BMAL1: variants seen among roughly 807,000 people sequenced by gnomAD.
BMAL1 encodes the protein basic helix-loop-helix ARNT-like protein 1.
At chr11:13,283,452 G>A in the BMAL1 span, among the ~76,000 whole-genome samples, 2 of 152,176 alleles carry the variant, frequency 1.3e-5, no homozygotes, top group Admixed American at 6.5e-5. Context: ...AACTACATGA[G>A]GCAGGTACTA....
At chr11:13,277,859 T>TCACCGC in the BMAL1 span, 3 of 151,916 alleles carry the variant, frequency 2.0e-5, no homozygotes, top group African/African-American at 7.3e-5. Context: ...CGCGCCGGAC[T>TCACCGC]CACCGCCGCC....
the BMAL1 span, chr11:13,385,896 A>G: frequency 1.2e-6 from 1 of 859,406 alleles, no homozygotes; most frequent in African/African-American, 1.7e-5. Context: ...ATCCTAGATA[A>G]ATTTGATAGG....
chr11:13,346,526 G>T, the BMAL1 span, among the ~76,000 whole-genome samples: 3 of 152,142 alleles, frequency 2.0e-5, no homozygotes, highest in African/African-American at 4.8e-5. Flanking sequence ...CCTTCTAGTG[G>T]TTGATGCCCT....
At chr11:13,284,754 G>A in the BMAL1 span, among the ~76,000 whole-genome samples, 1 of 152,216 alleles carries the variant, frequency 6.6e-6, no homozygotes, top group South Asian at 2.1e-4. Context: ...TTTCTGCTCT[G>A]CTCAACTCCT....
the BMAL1 span, among the ~76,000 whole-genome samples, chr11:13,344,701 G>T: frequency 6.6e-6 from 1 of 152,158 alleles, no homozygotes; most frequent in African/African-American, 2.4e-5. Flanking sequence ...CATGGAGGTC[G>T]GACAGGACTT....
the BMAL1 span, among the ~76,000 whole-genome samples, chr11:13,297,341 A>G: frequency 3.9e-5 from 6 of 152,236 alleles, no homozygotes; most frequent in African/African-American, 1.4e-4. Context: ...GTCCAGCATC[A>G]GTTGAGAGTC....
the BMAL1 span, among the ~76,000 whole-genome samples, chr11:13,294,940 C>T: frequency 6.6e-6 from 1 of 152,180 alleles, no homozygotes; most frequent in Non-Finnish European, 1.5e-5. Context: ...CACATTGCTG[C>T]CCTTGTCCCT....
At chr11:13,373,575 TG>T in the BMAL1 span, among the ~76,000 whole-genome samples, 2 of 152,190 alleles carry the variant, frequency 1.3e-5, no homozygotes, top group African/African-American at 4.8e-5. Context: ...GGCGAGATCT[TG>T]GCTTACTGTA....
chr11:13,332,381 A>G, the BMAL1 span, among the ~76,000 whole-genome samples: 1 of 152,206 alleles, frequency 6.6e-6, no homozygotes, highest in East Asian at 1.9e-4. Context: ...AATCTTTGAT[A>G]CCTACAGCCA....
At chr11:13,278,198 A>AG in the BMAL1 span, among the ~76,000 whole-genome samples, 1 of 152,130 alleles carries the variant, frequency 6.6e-6, no homozygotes, top group Non-Finnish European at 1.5e-5. Flanking sequence ...GGGCAGGCAG[A>AG]GGTGCTGCAG....
the BMAL1 span, among the ~76,000 whole-genome samples, chr11:13,383,715 TGGTGG>T: frequency 6.6e-6 from 1 of 151,936 alleles, no homozygotes; most frequent in Admixed American, 6.6e-5. Context: ...TATCCAGGTG[TGGTGG>T]TGTACCTGTA....
At chr11:13,329,212 C>A in the BMAL1 span, among the ~76,000 whole-genome samples, 1 of 152,170 alleles carries the variant, frequency 6.6e-6, no homozygotes, top group South Asian at 2.1e-4. Flanking sequence ...CCCTTTACGT[C>A]GGATGGCCAG....
At chr11:13,382,787 T>C in the BMAL1 span, among the ~76,000 whole-genome samples, 1 of 152,180 alleles carries the variant, frequency 6.6e-6, no homozygotes, top group Non-Finnish European at 1.5e-5. Context: ...AACATTATAG[T>C]GACAAGATCC....
chr11:13,365,712 ACTT>A, the BMAL1 span: 3 of 681,722 alleles, frequency 4.4e-6, no homozygotes, highest in South Asian at 2.0e-5. Context: ...AAAATTCTTA[ACTT>A]CTTAACAGAT....
chr11:13,296,873 C>T, the BMAL1 span, among the ~76,000 whole-genome samples: 1 of 152,184 alleles, frequency 6.6e-6, no homozygotes, highest in Non-Finnish European at 1.5e-5. Context: ...GTTCCTGTCC[C>T]ATCTTGCGCT....
the BMAL1 span, among the ~76,000 whole-genome samples, chr11:13,362,244 AT>A: frequency 6.6e-6 from 1 of 152,180 alleles, no homozygotes; most frequent in Non-Finnish European, 1.5e-5. Flanking sequence ...AAGCCATCTG[AT>A]TAGTACTGTA....
At chr11:13,326,810 CTGT>C in the BMAL1 span, among the ~76,000 whole-genome samples, 1 of 151,334 alleles carries the variant, frequency 6.6e-6, no homozygotes, top group Non-Finnish European at 1.5e-5. Flanking sequence ...TAGTGGCTCA[CTGT>C]TGTTTTGTTT....
chr11:13,328,126 C>T, the BMAL1 span, among the ~76,000 whole-genome samples: 3 of 152,134 alleles, frequency 2.0e-5, no homozygotes, highest in Admixed American at 2.0e-4. Context: ...TGCTGATTTG[C>T]ACATAAACAC....
the BMAL1 span, among the ~76,000 whole-genome samples, chr11:13,371,459 A>G: frequency 6.6e-6 from 1 of 152,170 alleles, no homozygotes; most frequent in South Asian, 2.1e-4. Flanking sequence ...CTGCACTGCC[A>G]TAGTTCAGTC....
Sources: allele counts gnomAD v4.1 joint callset (sites outside exome capture counted in the v4.1 genomes callset), GRCh38; gene constraint gnomAD v4.1.1; transcripts MANE v1.5; gene names NCBI Gene and HGNC (gene_info 2026-07-23, HGNC 2026-07-21).